Variants in UNC13C observed in about 807,000 individuals in gnomAD.
UNC13C encodes unc-13 homolog C.
In UNC13C, 174 loss-of-function variants were observed where a neutral mutation model predicts 245.4. The ratio of observed to expected loss-of-function variants is 0.71; its 90% CI spans 0.63 to 0.80. UNC13C has a LOEUF of 0.80. Among genes scored for constraint, UNC13C ranks in the 30% least tolerant of loss-of-function variants. The probability of loss-of-function intolerance (pLI) is 0.00; values close to 1 mark genes in which losing one functional copy is unlikely to be tolerated. For missense variants in UNC13C, 2,829 were observed against 2,602.9 expected, an observed-to-expected ratio of 1.09 and a Z score of -1.89; for synonymous variants, 992 against 895.1, an observed-to-expected ratio of 1.11 and a Z score of -1.93.
rs2040247221 is a variant in UNC13C, at chr15:54,404,217, A to T, written c.4848-10765A>T. Among the ~76,000 whole-genome samples the T allele has an allele frequency of 2.0e-5, 3 of 152,302 alleles. No individual in the cohort carries two copies. The South Asian group carries it at 6.2e-4, about 32-fold the overall frequency. On this transcript the variant is annotated intron_variant, in intron 18 of 32. Transcript: ENST00000260323. ...CATTGCTTACTTATTTGTAATAATT[A>T]ACCTACTTTTCTTCAAAGACAAACT...
chr15:54,395,393 C>T (rs904097631), intron 18 of UNC13C, among the ~76,000 whole-genome samples: 1 of 151,770 alleles, frequency 6.6e-6, no homozygotes, highest in Non-Finnish European at 1.5e-5. Context: ...ATCCAGACCA[C>T]TAGGGTAAGG....
Position 54,623,777 on chromosome 15 carries a change from A to G in UNC13C, c.6200-18A>G, listed in dbSNP as rs2414332. 3.8e-6 allele frequency: 6 copies of G among 1,599,886 alleles called. No individual in the cohort carries two copies. The highest frequency in any genetic ancestry group is 5.1e-6 in the Non-Finnish European group (6 of 1,173,148). On this transcript the variant is annotated intron_variant, in intron 31 of 32. Coordinates refer to ENST00000260323, the MANE Select transcript of UNC13C (RefSeq NM_001080534.3). ...CCACACATCTGTTTGCTAAAATGTG[A>G]TATTTCCTTTTTTTTAGTGATTGCT...
intron 13 of UNC13C, among the ~76,000 whole-genome samples, chr15:54,317,463 C>T (rs552380131): frequency 1.1e-3 from 167 of 151,998 alleles, no homozygotes; most frequent in African/African-American, 3.9e-3. Context: ...ATTTGCTTAA[C>T]CATCTCAAAG....
intron 10 of UNC13C, among the ~76,000 whole-genome samples, chr15:54,290,232 G>A (rs1435417599): frequency 6.6e-6 from 1 of 152,142 alleles, no homozygotes; most frequent in East Asian, 1.9e-4. Flanking sequence ...AAATGTAAGA[G>A]CTGGCCAGTC....
intron 17 of UNC13C, among the ~76,000 whole-genome samples, chr15:54,343,829 C>T (rs1370471697): frequency 6.6e-6 from 1 of 151,978 alleles, no homozygotes; most frequent in African/African-American, 2.4e-5. Flanking sequence ...GAATTTATAG[C>T]CAAGGAGCTG....
intron 19 of UNC13C, among the ~76,000 whole-genome samples, chr15:54,434,392 A>C (rs1016823051): frequency 6.6e-6 from 1 of 152,160 alleles, no homozygotes; most frequent in African/African-American, 2.4e-5. Flanking sequence ...CCAGATGTAT[A>C]GACCAATGGA....
At chr15:53,982,880 A>G (rs141679275) in intron 1 of UNC13C, among the ~76,000 whole-genome samples, 236 of 152,264 alleles carry the variant, frequency 1.5e-3, no homozygotes, top group African/African-American at 5.4e-3. Flanking sequence ...GCTTGACTCC[A>G]TTTCAAATGT....
At chr15:54,028,511 CA>C (rs1289396917) in intron 2 of UNC13C, among the ~76,000 whole-genome samples, 2 of 152,074 alleles carry the variant, frequency 1.3e-5, no homozygotes, top group Non-Finnish European at 2.9e-5. Context: ...GGCAAAATGA[CA>C]GCGAGCCCAT....
At chr15:54,182,843 A>G (rs138469388) in intron 4 of UNC13C, among the ~76,000 whole-genome samples, 13 of 152,184 alleles carry the variant, frequency 8.5e-5, no homozygotes, top group Non-Finnish European at 1.6e-4. Context: ...GGTGGTTATA[A>G]AGGAATATTG....
chr15:54,249,931 C>G (rs74013553), intron 7 of UNC13C, among the ~76,000 whole-genome samples: 4,173 of 152,198 alleles, frequency 0.027, 180 homozygotes, highest in African/African-American at 0.096. Flanking sequence ...ACATTCTCAA[C>G]TAATTAGACC....
the UNC13C span, among the ~76,000 whole-genome samples, chr15:53,881,519 G>A: frequency 1.3e-5 from 2 of 152,194 alleles, no homozygotes; most frequent in African/African-American, 4.8e-5. Flanking sequence ...GGGAAATAAT[G>A]CAAAGAACAA....
intron 10 of UNC13C, among the ~76,000 whole-genome samples, chr15:54,282,964 G>A (rs983439188): frequency 6.6e-6 from 1 of 152,026 alleles, no homozygotes. Context: ...ACTGGTTTGT[G>A]AGTATGCAAA....
intron 4 of UNC13C, among the ~76,000 whole-genome samples, chr15:54,178,182 T>G (rs1449753189): frequency 6.6e-6 from 1 of 152,114 alleles, no homozygotes; most frequent in Non-Finnish European, 1.5e-5. Context: ...GTATTTAGGG[T>G]CTCATTGGCT....
chr15:54,408,387 T>A (rs1406336068), intron 18 of UNC13C, among the ~76,000 whole-genome samples: 3 of 152,042 alleles, frequency 2.0e-5, no homozygotes, highest in African/African-American at 7.2e-5. Flanking sequence ...CATTGAATAT[T>A]GTTTTTTCTT....
At chr15:54,466,329 G>A (rs1892164758) in intron 19 of UNC13C, among the ~76,000 whole-genome samples, 1 of 151,942 alleles carries the variant, frequency 6.6e-6, no homozygotes, top group Non-Finnish European at 1.5e-5. Flanking sequence ...AAGAGATTTA[G>A]AATTTCAGAA....
chr15:54,595,050 C>A (rs72740028), intron 30 of UNC13C, among the ~76,000 whole-genome samples: 6 of 152,124 alleles, frequency 3.9e-5, no homozygotes, highest in South Asian at 2.1e-4. Context: ...GTGAGTCATT[C>A]GATAAGATGT....
intron 10 of UNC13C, among the ~76,000 whole-genome samples, chr15:54,281,806 G>T (rs1266424171): frequency 6.6e-6 from 1 of 152,154 alleles, no homozygotes; most frequent in African/African-American, 2.4e-5. Context: ...AAGGCAAAGA[G>T]ATTAAGTAGT....
Position 54,627,331 on chromosome 15 carries a change from A to AAAAT in UNC13C, c.*218_*219insAAAT. The AAAAT allele has an allele frequency of 2.3e-6, 1 of 430,230 alleles. No homozygotes were observed. The highest frequency in any genetic ancestry group is 2.0e-5 in the African/African-American group (1 of 50,920). The allele number at this position is 430,230 out of a possible 1,614,324, so 26.7% of individuals were successfully genotyped here. ...TGCCAAAATTATGATGTAAAGTGAA[A>AAAAT]TATCAAGAACACCTTTTAACATGTT... On this transcript the variant is annotated 3_prime_UTR_variant, in exon 33 of 33. Coordinates refer to ENST00000260323, the MANE Select transcript of UNC13C (RefSeq NM_001080534.3).
At chr15:54,332,452 A>G (rs2038464406) in intron 15 of UNC13C, among the ~76,000 whole-genome samples, 1 of 151,682 alleles carries the variant, frequency 6.6e-6, no homozygotes, top group African/African-American at 2.4e-5. Context: ...TTGAAAGCTC[A>G]CCCTTTGTTA....
Sources: allele counts gnomAD v4.1 joint callset (sites outside exome capture counted in the v4.1 genomes callset), GRCh38; gene constraint gnomAD v4.1.1; transcripts MANE v1.5; gene names NCBI Gene and HGNC (gene_info 2026-07-23, HGNC 2026-07-21).